Variants in ROBO2 observed in about 807,000 individuals in gnomAD.
The protein encoded by ROBO2 is roundabout homolog 2.
ROBO2 carries 53 observed loss-of-function variants against 160.8 expected under a neutral mutation model. The ratio of observed to expected loss-of-function variants is 0.33; its 90% CI spans 0.26 to 0.41. The LOEUF (loss-of-function observed/expected upper bound fraction) is 0.41, where lower values mean the gene tolerates loss of function less well. ROBO2 is among the 10% of genes least tolerant of loss of function. The pLI is 1.00. For synonymous variants in ROBO2, 664 were observed against 611.7 expected (o/e 1.09, Z -1.26); for missense variants, 1,577 against 1,722.4 (o/e 0.92, Z 1.49).
At chr3:77,602,094 A>G in intron 19 of ROBO2, 116 bp from the exon 21 acceptor site, 1 of 1,046,798 alleles carries the variant, frequency 9.6e-7, no homozygotes, top group African/African-American at 1.6e-5. Context: ...CATGAAGCCC[A>G]TCTCAGCTGA....
intron 2 of ROBO2, among the ~76,000 whole-genome samples, chr3:77,460,859 T>C (rs888957484): frequency 2.0e-5 from 3 of 152,204 alleles, no homozygotes; most frequent in African/African-American, 4.8e-5. Flanking sequence ...TTTTTTTCCA[T>C]GGCCATCTGA....
At chr3:76,728,415 C>G (rs1467381203) in intron 2 of ROBO2, among the ~76,000 whole-genome samples, 2 of 151,910 alleles carry the variant, frequency 1.3e-5, no homozygotes, top group Non-Finnish European at 2.9e-5. Context: ...CTAAATAATC[C>G]TTTTCTAAAG....
intron 2 of ROBO2, among the ~76,000 whole-genome samples, chr3:76,763,928 ACCT>A (rs918144387): frequency 1.3e-5 from 2 of 151,736 alleles, no homozygotes; most frequent in African/African-American, 2.4e-5. Context: ...TTTTTGACAG[ACCT>A]TCTTCTTATA....
intron 2 of ROBO2, among the ~76,000 whole-genome samples, chr3:76,119,961 CCTTCCTTCCTTCCT>C (rs1302693549): frequency 4.4e-5 from 6 of 136,266 alleles, no homozygotes; most frequent in Non-Finnish European, 6.3e-5. Context: ...TTCCTTCCTT[CCTTCCTTCCTTCCT>C]CTCTCTTTCT....
At chr3:77,111,765 C>T (rs1421463778) in intron 2 of ROBO2, among the ~76,000 whole-genome samples, 1 of 152,088 alleles carries the variant, frequency 6.6e-6, no homozygotes, top group East Asian at 1.9e-4. Flanking sequence ...GAGTAGAGTG[C>T]ATTATGGAGC....
At chr3:76,973,820 C>G (rs142964383) in intron 2 of ROBO2, among the ~76,000 whole-genome samples, 1 of 152,206 alleles carries the variant, frequency 6.6e-6, no homozygotes, top group South Asian at 2.1e-4. Context: ...AAGGGCTCAC[C>G]GTCTAGTTCA....
intron 2 of ROBO2, among the ~76,000 whole-genome samples, chr3:76,607,801 G>A (rs1329016879): frequency 1.3e-5 from 2 of 152,092 alleles, no homozygotes; most frequent in African/African-American, 4.8e-5. Flanking sequence ...CTCTTATCAC[G>A]TAGAAAACAC....
intron 2 of ROBO2, among the ~76,000 whole-genome samples, chr3:76,980,924 G>T (rs2060066105): frequency 6.6e-6 from 1 of 152,026 alleles, no homozygotes; most frequent in South Asian, 2.1e-4. Flanking sequence ...TATGTAAATT[G>T]ATTCATATAA....
At chr3:76,435,229 T>C (rs2076616565) in intron 2 of ROBO2, 2 of 1,514,924 alleles carry the variant, frequency 1.3e-6, no homozygotes, top group South Asian at 2.2e-5. Flanking sequence ...ACCATATCCA[T>C]CAACAAAACA....
At chr3:76,537,067 G>T (rs967929934) in intron 2 of ROBO2, among the ~76,000 whole-genome samples, 3 of 151,982 alleles carry the variant, frequency 2.0e-5, no homozygotes, top group Non-Finnish European at 4.4e-5. Flanking sequence ...ACTTGATTCA[G>T]CCTGCTGAGG....
intron 5 of ROBO2, among the ~76,000 whole-genome samples, chr3:77,498,587 C>T (rs2087108390): frequency 6.6e-6 from 1 of 151,396 alleles, no homozygotes; most frequent in Non-Finnish European, 1.5e-5. Flanking sequence ...AGAAAAGAAA[C>T]TGAATGGAAC....
intron 2 of ROBO2, among the ~76,000 whole-genome samples, chr3:77,395,054 C>T (rs548542684): frequency 6.6e-6 from 1 of 152,170 alleles, no homozygotes; most frequent in African/African-American, 2.4e-5. Context: ...GTTTCTCTTG[C>T]TATTTGAATT....
chr3:76,942,691 G>A (rs73104452), intron 2 of ROBO2, among the ~76,000 whole-genome samples: 30,411 of 151,984 alleles, frequency 0.2, 3,178 homozygotes, highest in South Asian at 0.31. Flanking sequence ...CAGGAAGACC[G>A]GAAGTCTAAT....
chr3:76,913,805 T>C (rs2076140340), intron 2 of ROBO2, among the ~76,000 whole-genome samples: 2 of 152,282 alleles, frequency 1.3e-5, no homozygotes, highest in South Asian at 2.1e-4. Context: ...AATACTCCTT[T>C]AGAGGAGTAA....
intron 2 of ROBO2, among the ~76,000 whole-genome samples, chr3:76,754,148 A>G (rs2060834286): frequency 2.0e-5 from 3 of 151,912 alleles, no homozygotes; most frequent in Admixed American, 2.0e-4. Flanking sequence ...TTTCATTAAT[A>G]GCTGTGATTT....
rs140811677 is a variant in ROBO2 at position 77,227,161 on chromosome 3, C to A, written c.388+128821C>A. 1.4e-4 allele frequency among the ~76,000 whole-genome samples: 21 copies of A among 151,922 alleles called. No homozygotes were observed. The South Asian group carries it at 2.1e-3, about 15-fold the overall frequency. ...TTTTTTTTGTAGTGCACAAAGGTAC[C>A]TTTTCTTAGTAGTTAAGTTGTTTTA... On this transcript the variant is annotated intron_variant, in intron 2 of 25. Coordinates refer to ENST00000461745, the Ensembl canonical transcript of ROBO2.
chr3:77,328,996 C>T (rs749226592), intron 2 of ROBO2, among the ~76,000 whole-genome samples: 3 of 152,158 alleles, frequency 2.0e-5, no homozygotes, highest in Admixed American at 6.5e-5. Context: ...CTTTTCCTTG[C>T]GTTCTCTTGT....
intron 7 of ROBO2, among the ~76,000 whole-genome samples, chr3:77,547,614 C>G (rs2092748127): frequency 6.6e-6 from 1 of 152,046 alleles, no homozygotes; most frequent in South Asian, 2.1e-4. Flanking sequence ...TCTATAAATT[C>G]CTGTACCAGC....
At chr3:77,213,572 A>G (rs2084493821) in intron 2 of ROBO2, among the ~76,000 whole-genome samples, 2 of 151,954 alleles carry the variant, frequency 1.3e-5, no homozygotes, top group Non-Finnish European at 2.9e-5. Flanking sequence ...TTGTGTCTCT[A>G]TTCCCTTCAG....
Sources: gnomAD v4.1 joint callset for allele counts (sites outside exome capture counted in the v4.1 genomes callset) on GRCh38, gnomAD v4.1.1 for gene constraint, MANE v1.5 for transcripts, NCBI Gene and HGNC (gene_info 2026-07-23, HGNC 2026-07-21) for gene names.